The following RHBDL3 variants were observed in gnomAD, a reference collection of about 807,000 sequenced individuals.
RHBDL3 encodes the protein rhomboid like 3.
In RHBDL3, 28 loss-of-function variants were observed where a neutral mutation model predicts 48.2. The observed-to-expected ratio is 0.58, with a 90% CI of 0.43 to 0.80. The LOEUF (loss-of-function observed/expected upper bound fraction) is 0.80, where lower values mean the gene tolerates loss of function less well. Ranked by LOEUF, RHBDL3 falls within the 30% of genes least tolerant of loss-of-function variation. The pLI is 0.00. For synonymous variants in RHBDL3, 208 were observed against 232.3 expected (o/e 0.90, Z 0.95); for missense variants, 464 against 542.7 (o/e 0.85, Z 1.44).
intron 3 of RHBDL3, among the ~76,000 whole-genome samples, chr17:32,287,941 G>A (rs1288514741): frequency 6.6e-6 from 1 of 152,230 alleles, no homozygotes; most frequent in Non-Finnish European, 1.5e-5. Context: ...CACTGGGTGA[G>A]GCTGCCAGAG....
At chr17:32,311,897 G>C (rs150847982) in intron 7 of RHBDL3, among the ~76,000 whole-genome samples, 1 of 152,264 alleles carries the variant, frequency 6.6e-6, no homozygotes, top group East Asian at 1.9e-4. Context: ...TGAGATAAGG[G>C]GCAGTTGTTA....
intron 6 of RHBDL3, among the ~76,000 whole-genome samples, chr17:32,304,673 C>T (rs552246819): frequency 6.6e-6 from 1 of 152,248 alleles, no homozygotes; most frequent in South Asian, 2.1e-4. Context: ...TGTTATGGTT[C>T]CAGAACCCTG....
At chr17:32,312,849 G>T (rs947397698) in intron 7 of RHBDL3, among the ~76,000 whole-genome samples, 22 of 151,936 alleles carry the variant, frequency 1.4e-4, no homozygotes, top group African/African-American at 5.3e-4. Flanking sequence ...TCACTCTGTT[G>T]TCCAGGCCAG....
intron 2 of RHBDL3, among the ~76,000 whole-genome samples, chr17:32,273,108 C>T (rs1428082890): frequency 6.6e-6 from 1 of 152,246 alleles, no homozygotes; most frequent in African/African-American, 2.4e-5. Flanking sequence ...TCAGGCGATT[C>T]TCCTACCTCA....
At chr17:32,304,684 A>T (rs2040666783) in intron 6 of RHBDL3, among the ~76,000 whole-genome samples, 1 of 152,238 alleles carries the variant, frequency 6.6e-6, no homozygotes, top group Non-Finnish European at 1.5e-5. Flanking sequence ...CAGAACCCTG[A>T]CATAGCACCA....
Position 32,283,350 on chromosome 17 carries a change from C to CT in RHBDL3, c.136-1308dup, listed in dbSNP as rs1224132016. ...TTTTTTTTTTTTTTTGAGATGGAGT[C>CT]TCGCTGTGTTGCCCAGGCTGGAGTG... On this transcript the variant is annotated intron_variant, in intron 2 of 8. Transcript: ENST00000269051. Among the ~76,000 whole-genome samples the CT allele has an allele frequency of 1.8e-4, 20 of 114,088 alleles. No homozygotes were observed. The East Asian group carries it at 4.9e-3, about 28-fold the overall frequency. The allele number at this position is 114,088 out of a possible 152,430, so 74.8% of individuals were successfully genotyped here.
At chr17:32,267,381 C>A (rs1597601260) in intron 1 of RHBDL3, among the ~76,000 whole-genome samples, 1 of 135,912 alleles carries the variant, frequency 7.4e-6, no homozygotes, top group African/African-American at 3.0e-5. Context: ...AACAAACAAA[C>A]AAAAAACTGC....
At chr17:32,297,203 C>T (rs1334472483) in intron 5 of RHBDL3, among the ~76,000 whole-genome samples, 1 of 151,844 alleles carries the variant, frequency 6.6e-6, no homozygotes, top group Non-Finnish European at 1.5e-5. Context: ...CGCAGTGGCT[C>T]ATGCCTGTAA....
At chr17:32,297,403 A>T (rs2040476961) in intron 5 of RHBDL3, among the ~76,000 whole-genome samples, 1 of 152,174 alleles carries the variant, frequency 6.6e-6, no homozygotes, top group African/African-American at 2.4e-5. Context: ...CAGAGGTTGC[A>T]GTGAGCTGAG....
chr17:32,293,283 G>A lies in RHBDL3; in HGVS notation c.520-1011G>A, dbSNP rs141189303. Among the ~76,000 whole-genome samples, 375 of 151,922 alleles carry A rather than the reference G, an allele frequency of 2.5e-3. 3 individuals are homozygous for A. The highest frequency in any genetic ancestry group is 6.8e-3 in the Middle Eastern group (2 of 292). ...CGCAGCAACATGAATGTCATTTAAT[G>A]CCACTGAACTGATTAAGGCCGGGCG... On this transcript the variant is annotated intron_variant, in intron 4 of 8. Coordinates refer to ENST00000269051, the MANE Select transcript of RHBDL3 (RefSeq NM_138328.3).
At chr17:32,309,353 G>T (rs984417544) in intron 7 of RHBDL3, among the ~76,000 whole-genome samples, 11 of 152,096 alleles carry the variant, frequency 7.2e-5, no homozygotes, top group East Asian at 3.9e-4. Context: ...GGGAGTTTGC[G>T]ACCAGCCTGA....
At chr17:32,276,783 C>G (rs1468537899) in intron 2 of RHBDL3, among the ~76,000 whole-genome samples, 4 of 78,310 alleles carry the variant, frequency 5.1e-5, no homozygotes, top group Admixed American at 1.0e-4. Context: ...GCACCTTACT[C>G]CGGCCCTAGC....
At chr17:32,293,173 A>AGGG (rs56795296) in intron 4 of RHBDL3, among the ~76,000 whole-genome samples, 34,292 of 101,540 alleles carry the variant, frequency 0.34, 4,054 homozygotes, top group East Asian at 0.37. Context: ...GGCTGGAGGG[A>AGGG]GGGGGTGGGG....
At chr17:32,287,816 A>T (rs2150713602) in intron 3 of RHBDL3, among the ~76,000 whole-genome samples, 1 of 152,290 alleles carries the variant, frequency 6.6e-6, no homozygotes, top group Admixed American at 6.5e-5. Context: ...TATCTCTAGG[A>T]CTTCTCCCCG....
intron 7 of RHBDL3, among the ~76,000 whole-genome samples, chr17:32,313,497 T>C (rs2040892071): frequency 1.3e-5 from 2 of 152,206 alleles, no homozygotes; most frequent in Admixed American, 1.3e-4. Context: ...TGTACAATCA[T>C]CGCCATCTGT....
intron 2 of RHBDL3, among the ~76,000 whole-genome samples, chr17:32,279,554 CCTCA>C (rs766484094): frequency 3.3e-5 from 5 of 152,238 alleles, no homozygotes; most frequent in Non-Finnish European, 7.3e-5. Flanking sequence ...CCCGGCCCTT[CCTCA>C]CTCCATGTGG....
chr17:32,315,608 A>G (rs760098422), intron 7 of RHBDL3, among the ~76,000 whole-genome samples: 58 of 152,024 alleles, frequency 3.8e-4, no homozygotes, highest in Non-Finnish European at 7.5e-4. Context: ...CGAAGCCTGC[A>G]AGACGGACCA....
intron 1 of RHBDL3, 168 bp from the exon 2 acceptor site, chr17:32,267,734 A>G: frequency 1.6e-6 from 2 of 1,286,962 alleles, no homozygotes; most frequent in Non-Finnish European, 9.9e-7. Flanking sequence ...AGCTCCTCCC[A>G]GACTTCCCCT....
chr17:32,305,318 T>G, intron 6 of RHBDL3, 23 bp from the exon 7 acceptor site: 1 of 1,566,782 alleles, frequency 6.4e-7, no homozygotes, highest in Non-Finnish European at 8.8e-7. Context: ...CTCCTGAGAA[T>G]TCTCGCTGTC....
Sources: gnomAD v4.1 joint callset for allele counts (sites outside exome capture counted in the v4.1 genomes callset) on GRCh38, gnomAD v4.1.1 for gene constraint, MANE v1.5 for transcripts, NCBI Gene and HGNC (gene_info 2026-07-23, HGNC 2026-07-21) for gene names.